GPR139: variants seen among roughly 807,000 people sequenced by gnomAD.
GPR139 encodes the protein G protein-coupled receptor 139, also known as probable G protein-coupled receptor 139.
GPR139 carries 12 observed loss-of-function variants against 25.8 expected under a neutral mutation model. The observed-to-expected ratio is 0.47, with a 90% CI of 0.30 to 0.75. The LOEUF (loss-of-function observed/expected upper bound fraction) is 0.75, where lower values mean the gene tolerates loss of function less well. GPR139 is among the 30% of genes least tolerant of loss of function. The probability of loss-of-function intolerance (pLI) is 0.07; values close to 1 mark genes in which losing one functional copy is unlikely to be tolerated. For missense variants in GPR139, 380 were observed against 450.2 expected (o/e 0.84, Z 1.41); for synonymous variants, 184 against 179.9 (o/e 1.02, Z -0.18).
At chr16:20,032,772 G>A (rs1167476461) in intron 1 of GPR139, 103 bp from the exon 2 acceptor site, 2 of 729,744 alleles carry the variant, frequency 2.7e-6, no homozygotes, top group Non-Finnish European at 4.5e-6. Flanking sequence ...CCATGGAAGT[G>A]AAAATGATTG....
chr16:20,043,740 A>G (rs2057344541), intron 1 of GPR139, among the ~76,000 whole-genome samples: 1 of 152,210 alleles, frequency 6.6e-6, no homozygotes, highest in Non-Finnish European at 1.5e-5. Flanking sequence ...GGTCAATTTC[A>G]TACCAAGTGA....
chr16:20,064,252 G>A (rs752140193), intron 1 of GPR139, among the ~76,000 whole-genome samples: 1 of 152,140 alleles, frequency 6.6e-6, no homozygotes, highest in African/African-American at 2.4e-5. Flanking sequence ...TGGACTCATA[G>A]AAAACACAGC....
chr16:20,041,426 TC>T (rs2057335852), intron 1 of GPR139, among the ~76,000 whole-genome samples: 4 of 151,564 alleles, frequency 2.6e-5, no homozygotes. Context: ...TTTCTAAGAC[TC>T]CTACATAAGA....
chr16:20,067,244 C>T (rs2057437826), intron 1 of GPR139, among the ~76,000 whole-genome samples: 1 of 152,194 alleles, frequency 6.6e-6, no homozygotes, highest in Non-Finnish European at 1.5e-5. Flanking sequence ...AGCATAGCTA[C>T]ATCATTGGTC....
At chr16:20,057,961 C>T (rs1450284062) in intron 1 of GPR139, among the ~76,000 whole-genome samples, 1 of 152,120 alleles carries the variant, frequency 6.6e-6, no homozygotes, top group Non-Finnish European at 1.5e-5. Flanking sequence ...CATCATTATC[C>T]CCTGTAGTCC....
At chr16:20,037,802 C>T (rs562277659) in intron 1 of GPR139, among the ~76,000 whole-genome samples, 1 of 152,282 alleles carries the variant, frequency 6.6e-6, no homozygotes, top group South Asian at 2.1e-4. Context: ...ATAAAGAATG[C>T]GTTTCCTGTT....
In GPR139 at chr16:20,031,992, T is replaced by A. The variant is rs374532990; in HGVS notation, c.805A>T (p.Ile269Phe). 2 of 1,614,126 alleles carry A rather than the reference T, an allele frequency of 1.2e-6. No homozygotes were observed. Among genetic ancestry groups the A allele is most frequent in the Admixed American group, 3.3e-5 (2 of 60,012 alleles). The part of the protein sequence containing the change: ...NRWLVHIMSD[I>F]ANMLALLNTA... ...TTCAGAAGGGCTAGCATGTTGGCAA[T>A]GTCGGACATGATGTGTACCAGCCAG... The change falls in exon 2 of 2, where the codon ATT becomes TTT. Residue 269 changes from isoleucine to phenylalanine, a missense_variant. By Grantham distance (21) the Ile-to-Phe change is conservative. Transcript: ENST00000570682.
intron 1 of GPR139, among the ~76,000 whole-genome samples, chr16:20,047,872 C>T (rs1180358700): frequency 2.6e-5 from 4 of 152,134 alleles, no homozygotes; most frequent in African/African-American, 7.2e-5. Flanking sequence ...GAAAAGTATG[C>T]TGATATAGCA....
chr16:20,069,351 T>C (rs1248607908), intron 1 of GPR139, among the ~76,000 whole-genome samples: 3 of 148,364 alleles, frequency 2.0e-5, no homozygotes, highest in African/African-American at 7.4e-5. Context: ...GAGGTCCAGC[T>C]CCAGAGTGTG....
intron 1 of GPR139, among the ~76,000 whole-genome samples, chr16:20,046,906 AT>A (rs1227647548): frequency 6.6e-6 from 1 of 152,118 alleles, no homozygotes; most frequent in Non-Finnish European, 1.5e-5. Flanking sequence ...CCATATCTCT[AT>A]AAAAAGTTAA....
At chr16:20,043,417 G>C (rs529713773) in intron 1 of GPR139, among the ~76,000 whole-genome samples, 2 of 152,260 alleles carry the variant, frequency 1.3e-5, no homozygotes, top group South Asian at 4.1e-4. Flanking sequence ...GTGCTGGGTG[G>C]CTTTGCGTAG....
intron 1 of GPR139, among the ~76,000 whole-genome samples, chr16:20,069,435 T>A (rs2057451041): frequency 6.6e-6 from 1 of 152,332 alleles, no homozygotes; most frequent in African/African-American, 2.4e-5. Flanking sequence ...TCTGCAGGCC[T>A]CAGTCCAGCT....
chr16:20,032,134 G>C lies in GPR139; in HGVS notation c.663C>G (p.Tyr221Ter). 1.2e-6 allele frequency: 2 copies of C among 1,614,154 alleles called. No individual in the cohort carries two copies. The highest frequency in any genetic ancestry group is 1.7e-6 in the Non-Finnish European group (2 of 1,180,020). ...RRKSNFRLRGYSTGKTTAILF... is the reference protein window; with the variant it reads ...RRKSNFRLRG Reference sequence around the variant, plus strand: ...AGATGGCGGTGGTCTTCCCCGTGGAGTAGCCACGGAGACGAAAATTGCTCT... The same window carrying C: ...AGATGGCGGTGGTCTTCCCCGTGGACTAGCCACGGAGACGAAAATTGCTCT... The change falls in exon 2 of 2, where the codon TAC becomes TAG. Residue 221 changes from tyrosine to a stop codon, truncating the protein, a stop_gained. Transcript: ENST00000570682. LOFTEE classifies it high-confidence loss of function.
chr16:20,066,479 T>A (rs2057434565), intron 1 of GPR139, among the ~76,000 whole-genome samples: 2 of 152,210 alleles, frequency 1.3e-5, no homozygotes, highest in Non-Finnish European at 2.9e-5. Flanking sequence ...ATCTATTGGA[T>A]CATTCTCTTG....
intron 1 of GPR139, among the ~76,000 whole-genome samples, chr16:20,055,844 G>A (rs2057386868): frequency 6.6e-6 from 1 of 152,350 alleles, no homozygotes; most frequent in Non-Finnish European, 1.5e-5. Context: ...CTGAAGCTTG[G>A]CTTTGAGCCA....
At chr16:20,068,745 A>G (rs958027137) in intron 1 of GPR139, among the ~76,000 whole-genome samples, 2 of 152,178 alleles carry the variant, frequency 1.3e-5, no homozygotes, top group Non-Finnish European at 2.9e-5. Flanking sequence ...GTAAGACATA[A>G]GTTATTTATA....
chr16:20,067,721 T>C (rs2057440502), intron 1 of GPR139, among the ~76,000 whole-genome samples: 2 of 148,178 alleles, frequency 1.3e-5, no homozygotes, highest in Admixed American at 6.9e-5. Context: ...GAAGAATCGC[T>C]TGAATCCAGG....
chr16:20,033,159 T>C (rs966342909), intron 1 of GPR139, among the ~76,000 whole-genome samples: 2 of 135,070 alleles, frequency 1.5e-5, no homozygotes, highest in African/African-American at 2.9e-5. Flanking sequence ...CACACAACCA[T>C]GGAAGGTGGT....
chr16:20,032,808 C>T, intron 1 of GPR139, 139 bp from the exon 2 acceptor site: 1 of 620,162 alleles, frequency 1.6e-6, no homozygotes, highest in South Asian at 2.1e-5. Context: ...GGGACAACCT[C>T]AGCATTACAA....
Sources: allele counts gnomAD v4.1 joint callset (sites outside exome capture counted in the v4.1 genomes callset), GRCh38; gene constraint gnomAD v4.1.1; transcripts MANE v1.5; gene names NCBI Gene and HGNC (gene_info 2026-07-23, HGNC 2026-07-21).